Variants in FRMD1 observed in about 807,000 individuals in gnomAD.
The protein encoded by FRMD1 is FERM domain containing 1.
FRMD1 carries 51 observed loss-of-function variants against 54.9 expected under a neutral mutation model. That is an observed-to-expected ratio of 0.93 (90% CI 0.74 to 1.17). The LOEUF is 1.17. Ranked by LOEUF, FRMD1 falls within the 50% of genes most tolerant of loss-of-function variation. The probability of loss-of-function intolerance (pLI) is 0.00; values close to 1 mark genes in which losing one functional copy is unlikely to be tolerated. For missense variants in FRMD1, 729 were observed against 743.0 expected, an observed-to-expected ratio of 0.98 and a Z score of 0.22; for synonymous variants, 324 against 306.4, an observed-to-expected ratio of 1.06 and a Z score of -0.60.
At chr6:168,070,861 G>C (rs1800272671) in intron 2 of FRMD1, among the ~76,000 whole-genome samples, 1 of 152,218 alleles carries the variant, frequency 6.6e-6, no homozygotes, top group Admixed American at 6.5e-5. Flanking sequence ...TGCTGGAAGG[G>C]GAGATTCTGG....
At chr6:168,063,834 G>A in intron 5 of FRMD1, 78 bp from the exon 6 acceptor site, 1 of 1,471,384 alleles carries the variant, frequency 6.8e-7, no homozygotes, top group Non-Finnish European at 9.1e-7. Flanking sequence ...GCTCCGAGAA[G>A]CTTCCCCAGA....
chr6:168,084,630 G>A (rs1800887814), upstream of FRMD1, among the ~76,000 whole-genome samples: 2 of 152,206 alleles, frequency 1.3e-5, no homozygotes, highest in Admixed American at 6.5e-5. Flanking sequence ...ACAAAGGCAG[G>A]CGTGCAGGAC....
At chr6:168,072,029 G>A (rs986607275) in intron 2 of FRMD1, among the ~76,000 whole-genome samples, 5 of 152,360 alleles carry the variant, frequency 3.3e-5, no homozygotes, top group South Asian at 2.1e-4. Context: ...TGCCTCAGTC[G>A]AAAGGGAAAC....
rs568779506 is a variant in FRMD1, at chr6:168,075,395, C to T, written c.214-60G>A. The T allele has an allele frequency of 5.0e-6, 7 of 1,412,038 alleles. No homozygotes were observed. In the Admixed American group the frequency reaches 8.4e-5, roughly 17 times the overall value. 87.5% of individuals were successfully genotyped at this position (1,412,038 alleles called of 1,614,324 possible). On this transcript the variant is annotated intron_variant, in intron 1 of 10. Transcript: ENST00000283309. ...CCGGCACCTGTCCCCAGGGAGGCCA[C>T]CTCAGCAAACGAGGCCCAGCGGGGC...
At position 168,090,386 on chromosome 6, in the gene FRMD1, C is replaced by G. The variant is rs550392590; in HGVS notation, c.-12+11039G>C. ...GGGCTGGACTTGTTCGCTCTCTGGCCTCACCGTCTGCTCCCACTAAGGGGT... is the reference window on the plus strand; with the variant it reads ...GGGCTGGACTTGTTCGCTCTCTGGCGTCACCGTCTGCTCCCACTAAGGGGT... On this transcript the variant is annotated intron_variant, in intron 1 of 12. Coordinates refer to the FRMD1 transcript ENST00000644440. Among the ~76,000 whole-genome samples, 631 of 152,310 alleles carry G rather than the reference C, an allele frequency of 4.1e-3. 5 individuals are homozygous for G. The highest frequency in any genetic ancestry group is 0.011 in the African/African-American group (469 of 41,574).
chr6:168,075,435 C>T, intron 1 of FRMD1, 100 bp from the exon 2 acceptor site: 1 of 903,486 alleles, frequency 1.1e-6, no homozygotes, highest in Non-Finnish European at 1.8e-6. Flanking sequence ...GGTGGACGAC[C>T]CAGTCAGGCA....
Position 168,062,731 on chromosome 6 carries a change from G to A in FRMD1, c.870+163C>T, listed in dbSNP as rs781228836. 5.1e-6 allele frequency: 8 copies of A among 1,559,768 alleles called. No individual in the cohort carries two copies. The African/African-American group carries it at 1.1e-4, about 21-fold the overall frequency. ...GGTCGTACAGCAGCTGCGGAGCACG[G>A]TCCACCTCCTGCGGGACAGCAGAGG... is the stretch of plus-strand genomic sequence containing the variant. On this transcript the variant is annotated intron_variant, in intron 7 of 10. Transcript: ENST00000283309.
chr6:168,081,513 T>A (rs1223996326), upstream of FRMD1: 45 of 1,529,372 alleles, frequency 2.9e-5, no homozygotes, highest in Non-Finnish European at 3.7e-5. Flanking sequence ...CCCAACTCTC[T>A]CTTCTTCTGG....
Position 168,064,990 on chromosome 6 carries a change from G to A in FRMD1, c.529C>T (p.His177Tyr), listed in dbSNP as rs200858765. 4 of 1,611,948 alleles carry A rather than the reference G, an allele frequency of 2.5e-6. No homozygotes were observed. The highest frequency in any genetic ancestry group is 2.7e-5 in the African/African-American group (2 of 75,070). ...AGCAGGAAGTAGGCTTCCTCCCGGT[G>A]AGCGCACTGTGACCTCAGCACGCGC... ...KERVLRSQCA[H>Y]REEAYFLLAA... The change falls in exon 5 of 11, where the codon CAC (histidine) becomes TAC (tyrosine). Residue 177 changes from histidine to tyrosine, a missense_variant. Transcript: ENST00000283309.
At chr6:168,064,771 C>T in intron 5 of FRMD1, 100 bp downstream of exon 5, 1 of 1,469,890 alleles carries the variant, frequency 6.8e-7, no homozygotes, top group Non-Finnish European at 9.0e-7. Context: ...TCCAGCAGCC[C>T]CTGCCAGGCC....
At chr6:168,083,717 G>T (rs1249834651), upstream of FRMD1, among the ~76,000 whole-genome samples, 1 of 152,152 alleles carries the variant, frequency 6.6e-6, no homozygotes, top group African/African-American at 2.4e-5. Flanking sequence ...CCAGCCTTCA[G>T]GTGTGGACAG....
intron 1 of FRMD1, among the ~76,000 whole-genome samples, chr6:168,088,051 T>C (rs902387): frequency 0.82 from 125,110 of 152,136 alleles, 51,699 homozygotes; most frequent in Middle Eastern, 0.88. Flanking sequence ...AAAGGCTCTC[T>C]CCCTCTGGTT....
intron 1 of FRMD1, among the ~76,000 whole-genome samples, chr6:168,086,911 C>A (rs1261134827): frequency 6.6e-6 from 1 of 152,214 alleles, no homozygotes; most frequent in East Asian, 1.9e-4. Context: ...CTGGAGTGAG[C>A]CACCCTCCTC....
At chr6:168,067,503 C>G in intron 2 of FRMD1, 57 bp from the exon 3 acceptor site, 1 of 1,131,894 alleles carries the variant, frequency 8.8e-7, no homozygotes, top group Non-Finnish European at 1.3e-6. Context: ...CAGGTGTCAC[C>G]GTGTGTTCAA....
At position 168,079,081 on chromosome 6, in the gene FRMD1, G is replaced by A. The variant is rs552741273; in HGVS notation, c.14C>T (p.Pro5Leu). Reference protein sequence around the residue: MAVPPRGRGIDPART... With the variant: MAVPLRGRGIDPART... ...GGCGGGGTCTATGCCCCTCCCTCTC[G>A]GGGGCACCGCCATGCTGTCGTTACT... Residue 5 changes from proline (P) to leucine (L), a missense_variant, in exon 1 of 11, where the codon CCG (proline) becomes CTG (leucine). Physicochemically the swap from Pro to Leu is moderately conservative, Grantham distance 98 (BLOSUM62 -3). Coordinates refer to ENST00000283309, the MANE Select transcript of FRMD1 (RefSeq NM_024919.6). 10 of 1,604,002 alleles carry A rather than the reference G, an allele frequency of 6.2e-6. No homozygotes were observed. The highest frequency in any genetic ancestry group is 2.2e-5 in the South Asian group (2 of 90,784).
intron 10 of FRMD1, 101 bp from the exon 11 acceptor site, chr6:168,057,440 C>A: frequency 6.6e-7 from 1 of 1,522,230 alleles, no homozygotes; most frequent in Non-Finnish European, 8.8e-7. Flanking sequence ...ACACTCCCTG[C>A]CAATGCCCAC....
upstream of FRMD1, chr6:168,081,398 C>T: frequency 1.3e-6 from 2 of 1,535,376 alleles, no homozygotes; most frequent in East Asian, 2.4e-5. Context: ...GGCTGGCCTG[C>T]CACGTTCGTG....
rs899208943 is a variant in FRMD1, at chr6:168,055,158, C to G, written c.*1939G>C. On this transcript the variant is annotated 3_prime_UTR_variant, in exon 11 of 11. Transcript: ENST00000283309. ...GGTCAGCCAGGGGCCATGGCTGCCT[C>G]GCCTCTGCCAGGACACAAGGCGCCG... 6.6e-6 allele frequency: 1 copy of G among 152,224 alleles called. No individual in the cohort carries two copies. Among genetic ancestry groups the G allele is most frequent in the African/African-American group, 2.4e-5 (1 of 41,444 alleles). The allele number at this position is 152,224 out of a possible 1,614,324, so 9.4% of individuals were successfully genotyped here.
rs9455942 is a variant in FRMD1 at position 168,057,070 on chromosome 6, C to T, written c.*27G>A. 875 of 1,444,700 alleles carry T rather than the reference C, an allele frequency of 6.1e-4. 1 individual carries two copies. In the African/African-American group the frequency reaches 0.012, roughly 19 times the overall value. The allele number at this position is 1,444,700 out of a possible 1,614,324, so 89.5% of individuals were successfully genotyped here. The stretch of plus-strand genomic sequence containing the variant: ...TGGGCAGGGGCTGAGCCTGGCGGTG[C>T]GGACGGTACTGCTGGGTGGGTGGTG... On this transcript the variant is annotated 3_prime_UTR_variant, in exon 11 of 11. Transcript: ENST00000283309.
Sources: allele counts gnomAD v4.1 joint callset (sites outside exome capture counted in the v4.1 genomes callset), GRCh38; gene constraint gnomAD v4.1.1; transcripts MANE v1.5; gene names NCBI Gene and HGNC (gene_info 2026-07-23, HGNC 2026-07-21).